Variants in KIFAP3 observed in about 807,000 individuals in gnomAD.
KIFAP3 encodes the protein kinesin associated protein 3.
In KIFAP3, 68 loss-of-function variants were observed where a neutral mutation model predicts 106.5. The ratio of observed to expected loss-of-function variants is 0.64; its 90% CI spans 0.53 to 0.78. The LOEUF (loss-of-function observed/expected upper bound fraction) is 0.78, where lower values mean the gene tolerates loss of function less well. KIFAP3 is among the 30% of genes least tolerant of loss of function. The pLI, the probability that KIFAP3 is intolerant of heterozygous loss-of-function variation, is 0.00. For synonymous variants in KIFAP3, 320 were observed against 311.5 expected (o/e 1.03, Z -0.29); for missense variants, 780 against 941.8 (o/e 0.83, Z 2.25).
At chr1:170,053,642 AG>A (rs1183163134) in intron 2 of KIFAP3, among the ~76,000 whole-genome samples, 1 of 152,206 alleles carries the variant, frequency 6.6e-6, no homozygotes, top group Non-Finnish European at 1.5e-5. Context: ...GTATCAAAAC[AG>A]GGATAAAGAC....
chr1:170,009,320 G>A (rs1668128135), intron 10 of KIFAP3, among the ~76,000 whole-genome samples: 1 of 151,870 alleles, frequency 6.6e-6, no homozygotes, highest in African/African-American at 2.4e-5. Context: ...AATTTAAAAT[G>A]TACAATAATA....
At chr1:169,982,207 G>A in intron 14 of KIFAP3, 110 bp from the exon 15 acceptor site, 1 of 1,127,034 alleles carries the variant, frequency 8.9e-7, no homozygotes. Context: ...ATTAAATCAA[G>A]TCATATGAAT....
chr1:169,945,222 C>T (rs1664373880), intron 19 of KIFAP3, among the ~76,000 whole-genome samples: 1 of 152,210 alleles, frequency 6.6e-6, no homozygotes, highest in Non-Finnish European at 1.5e-5. Context: ...CTGGGCTTGG[C>T]TTCAACTTTG....
intron 19 of KIFAP3, among the ~76,000 whole-genome samples, chr1:169,952,199 T>G (rs896346325): frequency 7.9e-5 from 12 of 152,094 alleles, no homozygotes; most frequent in East Asian, 1.9e-4. Flanking sequence ...TACTATTTAT[T>G]TAAAGTACAC....
chr1:170,067,222 G>A (rs1384727997), intron 1 of KIFAP3, among the ~76,000 whole-genome samples: 3 of 152,150 alleles, frequency 2.0e-5, no homozygotes, highest in Admixed American at 1.3e-4. Context: ...AGTAGGTCTA[G>A]CATATGTACT....
At chr1:170,038,813 G>A (rs749573838) in intron 4 of KIFAP3, among the ~76,000 whole-genome samples, 3 of 152,098 alleles carry the variant, frequency 2.0e-5, no homozygotes, top group Admixed American at 6.6e-5. Context: ...AGCCAGGCAC[G>A]GTGGCTCACA....
At chr1:169,976,574 TA>T in intron 16 of KIFAP3, among the ~76,000 whole-genome samples, 1 of 152,322 alleles carries the variant, frequency 6.6e-6, no homozygotes, top group Admixed American at 6.5e-5. Context: ...TAAACCATAT[TA>T]AAAATATTTA....
chr1:169,938,115 A>AT (rs1183702971), intron 19 of KIFAP3, among the ~76,000 whole-genome samples: 1 of 152,004 alleles, frequency 6.6e-6, no homozygotes, highest in Admixed American at 6.6e-5. Flanking sequence ...ATATTGGGAC[A>AT]TTATAAGAGT....
At chr1:170,027,014 C>CTTT (rs71125222) in intron 8 of KIFAP3, among the ~76,000 whole-genome samples, 24 of 64,288 alleles carry the variant, frequency 3.7e-4, no homozygotes, top group African/African-American at 7.3e-4. Context: ...TGTCTTGCTT[C>CTTT]TTTTTTTTTT....
rs569527377 is a variant in KIFAP3 at position 169,981,494 on chromosome 1, C to T, written c.1798+478G>A. Among the ~76,000 whole-genome samples, 4 of 152,138 alleles carry T rather than the reference C, an allele frequency of 2.6e-5. No homozygotes were observed. The South Asian group carries it at 6.2e-4, about 24-fold the overall frequency. On this transcript the variant is annotated intron_variant, in intron 15 of 19. Transcript: ENST00000361580. ...GCTCCAAAGTATAAGAGTAGTGATG[C>T]TAAGCATACTGTTATAATTTTTCTG... is the stretch of plus-strand genomic sequence containing the variant.
At chr1:170,006,531 A>G (rs548628570) in intron 10 of KIFAP3, among the ~76,000 whole-genome samples, 1 of 152,276 alleles carries the variant, frequency 6.6e-6, no homozygotes, top group East Asian at 1.9e-4. Flanking sequence ...ATATCCAATG[A>G]TGATTAAGTA....
At chr1:170,009,255 A>T (rs1354451234) in intron 10 of KIFAP3, among the ~76,000 whole-genome samples, 1 of 152,176 alleles carries the variant, frequency 6.6e-6, no homozygotes, top group Non-Finnish European at 1.5e-5. Context: ...CACTATAATT[A>T]AAAAAACTTT....
chr1:169,998,808 A>T lies in KIFAP3; in HGVS notation c.1184-6553T>A, dbSNP rs115166565. Among the ~76,000 whole-genome samples, 1,084 of 152,290 alleles carry T rather than the reference A, an allele frequency of 7.1e-3. 18 individuals are homozygous for T. Among genetic ancestry groups the T allele is most frequent in the African/African-American group, 0.024 (993 of 41,566 alleles). ...AATATATGAAGACTACAGTATATAA[A>T]CCATATGTATCTTATTCACTGAATC... On this transcript the variant is annotated intron_variant, in intron 10 of 19. Coordinates refer to ENST00000361580, the MANE Select transcript of KIFAP3 (RefSeq NM_014970.4).
chr1:169,993,621 T>TTGGGAGG (rs1192348349), intron 10 of KIFAP3, among the ~76,000 whole-genome samples: 396 of 38,972 alleles, frequency 0.01, 198 homozygotes, highest in Middle Eastern at 0.028. Context: ...CTAGCAAGCT[T>TTGGGAGG]CAGGCAGGTG....
intron 5 of KIFAP3, among the ~76,000 whole-genome samples, chr1:170,037,338 A>G (rs2102058560): frequency 6.6e-6 from 1 of 152,366 alleles, no homozygotes; most frequent in South Asian, 2.1e-4. Flanking sequence ...CAACAACCAG[A>G]AAGGCATTCT....
intron 8 of KIFAP3, 26 bp from the exon 9 acceptor site, chr1:170,024,622 T>A: frequency 7.5e-7 from 1 of 1,335,730 alleles, no homozygotes; most frequent in Non-Finnish European, 1.0e-6. Flanking sequence ...ATATGAGAGA[T>A]AAAGAATTAG....
intron 18 of KIFAP3, chr1:169,958,263 T>A (rs936207129): frequency 1.3e-5 from 2 of 152,444 alleles, no homozygotes; most frequent in African/African-American, 4.8e-5. Context: ...CTTTTTCTTT[T>A]CTTTTTTTGG....
upstream of KIFAP3, chr1:170,074,770 CAG>C (rs1671862898): frequency 1.6e-6 from 2 of 1,234,214 alleles, no homozygotes; most frequent in Admixed American, 3.4e-5. Context: ...GCGGTGGCCT[CAG>C]AGTTTGACGC....
intron 17 of KIFAP3, among the ~76,000 whole-genome samples, chr1:169,969,618 A>G (rs1665804978): frequency 6.6e-6 from 1 of 152,026 alleles, no homozygotes; most frequent in Non-Finnish European, 1.5e-5. Context: ...GTACCATTCA[A>G]AATCTCAGTG....
Sources: allele counts gnomAD v4.1 joint callset (sites outside exome capture counted in the v4.1 genomes callset), GRCh38; gene constraint gnomAD v4.1.1; transcripts MANE v1.5; gene names NCBI Gene and HGNC (gene_info 2026-07-23, HGNC 2026-07-21).